The following SND1 variants were observed in gnomAD, a reference collection of about 807,000 sequenced individuals.
The protein encoded by SND1 is staphylococcal nuclease domain-containing protein 1.
Under a neutral mutation model 121.7 loss-of-function variants are expected in SND1, and 38 were observed. The observed-to-expected ratio is 0.31, with a 90% CI of 0.24 to 0.41. SND1 has a LOEUF of 0.41. SND1 is among the 10% of genes least tolerant of loss of function. The pLI is 1.00. For synonymous variants in SND1, 401 were observed against 447.4 expected (o/e 0.90, Z 1.31); for missense variants, 868 against 1,184.6 (o/e 0.73, Z 3.92).
At chr7:127,662,536 T>C (rs1233308342) in intron 1 of SND1, among the ~76,000 whole-genome samples, 1 of 152,236 alleles carries the variant, frequency 6.6e-6, no homozygotes, top group Non-Finnish European at 1.5e-5. Context: ...GGTACCTTTT[T>C]TGTAACCTTT....
At chr7:127,866,176 C>T (rs1327141937) in intron 12 of SND1, among the ~76,000 whole-genome samples, 2 of 152,188 alleles carry the variant, frequency 1.3e-5, no homozygotes, top group East Asian at 1.9e-4. Context: ...ATACTGAGCT[C>T]GAAGAGAAGC....
chr7:127,870,827 A>G (rs1799571344), intron 12 of SND1, among the ~76,000 whole-genome samples: 1 of 152,192 alleles, frequency 6.6e-6, no homozygotes, highest in Admixed American at 6.5e-5. Flanking sequence ...TTCATTTTCA[A>G]TAATAAATTA....
chr7:128,081,396 G>A lies in SND1; in HGVS notation c.2005G>A (p.Val669Met), dbSNP rs1219037625. The A allele has an allele frequency of 2.2e-5, 35 of 1,614,064 alleles. No individual in the cohort carries two copies. Among genetic ancestry groups the A allele is most frequent in the Non-Finnish European group, 2.9e-5 (34 of 1,180,044 alleles). Residue 669 changes from valine to methionine, a missense_variant, in exon 18 of 24, where the codon GTG (valine) becomes ATG (methionine). By Grantham distance (21) the Val-to-Met change is conservative. Coordinates refer to ENST00000354725, the MANE Select transcript of SND1 (RefSeq NM_014390.4). The stretch of plus-strand genomic sequence containing the variant: ...CTATGAGGAGCAGCCCGTGGAGGAG[G>A]TGATGCCAGTGCTGGAGGAGAAGGA... The part of the protein sequence containing the change: ...AHYEEQPVEE[V>M]MPVLEEKERS...
intron 13 of SND1, among the ~76,000 whole-genome samples, chr7:127,891,941 C>T (rs1367326548): frequency 1.3e-5 from 2 of 152,132 alleles, no homozygotes; most frequent in Non-Finnish European, 2.9e-5. Flanking sequence ...CGTTCTGACA[C>T]TCTTTAGGTA....
intron 16 of SND1, among the ~76,000 whole-genome samples, chr7:128,058,237 TA>T (rs1793174436): frequency 6.6e-6 from 1 of 152,276 alleles, no homozygotes. Context: ...ACACTCAACA[TA>T]CGTTTCTATT....
chr7:127,704,993 C>G, intron 8 of SND1, 48 bp downstream of exon 8: 4 of 1,492,018 alleles, frequency 2.7e-6, no homozygotes, highest in Non-Finnish European at 3.7e-6. Context: ...TGTTAAGGAT[C>G]TTTAGGGAAA....
intron 10 of SND1, among the ~76,000 whole-genome samples, chr7:127,724,753 G>C (rs774793292): frequency 6.6e-6 from 1 of 152,204 alleles, no homozygotes; most frequent in African/African-American, 2.4e-5. Context: ...TTTGCATATA[G>C]AGAGAATATT....
At chr7:127,671,186 G>A (rs979155849) in intron 1 of SND1, among the ~76,000 whole-genome samples, 1 of 152,256 alleles carries the variant, frequency 6.6e-6, no homozygotes, top group Non-Finnish European at 1.5e-5. Context: ...CTCTACAACA[G>A]CCTTTAGTAT....
chr7:127,844,305 C>T lies in SND1; in HGVS notation c.1243-19C>T. 1.9e-6 allele frequency: 3 copies of T among 1,608,376 alleles called. No homozygotes were observed. Among genetic ancestry groups the T allele is most frequent in the Non-Finnish European group, 2.6e-6 (3 of 1,175,774 alleles). On this transcript the variant is annotated intron_variant, in intron 11 of 23. Transcript: ENST00000354725. ...GTTGCAGACTCTCAACCCTAATTCCCTTGATTCTTTGTTTCCAGGTCAATG... is the reference window on the plus strand; with the variant it reads ...GTTGCAGACTCTCAACCCTAATTCCTTTGATTCTTTGTTTCCAGGTCAATG...
chr7:128,049,750 T>C (rs1450594214), intron 16 of SND1, among the ~76,000 whole-genome samples: 1 of 152,164 alleles, frequency 6.6e-6, no homozygotes, highest in African/African-American at 2.4e-5. Flanking sequence ...AAAATGGGGA[T>C]GATAATATTA....
intron 14 of SND1, among the ~76,000 whole-genome samples, chr7:127,926,122 C>T (rs150389118): frequency 3.9e-4 from 60 of 152,240 alleles, no homozygotes; most frequent in African/African-American, 8.4e-4. Flanking sequence ...TTTATAGCTA[C>T]ATCGCCTGAG....
At position 127,670,195 on chromosome 7, in the gene SND1, G is replaced by T. The variant is rs1030833264; in HGVS notation, c.79-16418G>T. On this transcript the variant is annotated intron_variant, in intron 1 of 23. Coordinates refer to ENST00000354725, the MANE Select transcript of SND1 (RefSeq NM_014390.4). ...TGGTAGAGACAGTTTCACCATGTTGGCCAGGCTGGTCTCGAACTCCTGATC... is the reference window on the plus strand; with the variant it reads ...TGGTAGAGACAGTTTCACCATGTTGTCCAGGCTGGTCTCGAACTCCTGATC... Among the ~76,000 whole-genome samples the T allele has an allele frequency of 2.0e-5, 3 of 152,088 alleles. No homozygotes were observed. The South Asian group carries it at 6.2e-4, about 32-fold the overall frequency.
intron 16 of SND1, among the ~76,000 whole-genome samples, chr7:128,035,175 G>A (rs1328320955): frequency 6.6e-6 from 1 of 152,186 alleles, no homozygotes; most frequent in Non-Finnish European, 1.5e-5. Flanking sequence ...CTTTAGACAT[G>A]TGACAAATCT....
intron 15 of SND1, among the ~76,000 whole-genome samples, chr7:127,968,608 G>T (rs577659900): frequency 5.3e-5 from 8 of 152,228 alleles, no homozygotes; most frequent in Non-Finnish European, 1.5e-5. Flanking sequence ...TGTTCATATA[G>T]TTTGCACACA....
chr7:127,713,989 A>T (rs544696224), intron 9 of SND1, among the ~76,000 whole-genome samples: 1 of 151,648 alleles, frequency 6.6e-6, no homozygotes, highest in Non-Finnish European at 1.5e-5. Context: ...GTTTGTAGCC[A>T]TATGGTCCCC....
At chr7:127,868,022 G>C (rs1458119647) in intron 12 of SND1, among the ~76,000 whole-genome samples, 2 of 152,152 alleles carry the variant, frequency 1.3e-5, no homozygotes, top group Non-Finnish European at 2.9e-5. Flanking sequence ...AAGTTTTGCT[G>C]TAGGTACTCC....
intron 16 of SND1, among the ~76,000 whole-genome samples, chr7:128,002,325 A>C (rs1246696305): frequency 6.6e-6 from 1 of 152,226 alleles, no homozygotes; most frequent in Non-Finnish European, 1.5e-5. Flanking sequence ...AGGATTATTT[A>C]TTTAAGTACC....
At chr7:127,672,150 G>A (rs1193207898) in intron 1 of SND1, among the ~76,000 whole-genome samples, 1 of 152,018 alleles carries the variant, frequency 6.6e-6, no homozygotes, top group Non-Finnish European at 1.5e-5. Flanking sequence ...TGAACAGTGA[G>A]GATCTTCCGT....
At chr7:127,766,919 G>A (rs888205046) in intron 10 of SND1, among the ~76,000 whole-genome samples, 2 of 151,582 alleles carry the variant, frequency 1.3e-5, no homozygotes, top group African/African-American at 4.8e-5. Flanking sequence ...AGTTCCTCCA[G>A]GCTCTGGTGC....
Sources: allele counts gnomAD v4.1 joint callset (sites outside exome capture counted in the v4.1 genomes callset), GRCh38; gene constraint gnomAD v4.1.1; transcripts MANE v1.5; gene names NCBI Gene and HGNC (gene_info 2026-07-23, HGNC 2026-07-21).